The following EXOC2 variants were observed in gnomAD, a reference collection of about 807,000 sequenced individuals.
The protein encoded by EXOC2 is SEC5-like 1.
A neutral mutation model predicts 131.8 loss-of-function variants in EXOC2; 70 were observed. The observed-to-expected ratio is 0.53, with a 90% confidence interval of 0.44 to 0.65. The LOEUF (loss-of-function observed/expected upper bound fraction) is 0.65, where lower values mean the gene tolerates loss of function less well. Ranked by LOEUF, EXOC2 falls within the 30% of genes least tolerant of loss-of-function variation. The probability of loss-of-function intolerance (pLI) is 0.00; values close to 1 mark genes in which losing one functional copy is unlikely to be tolerated. For missense variants in EXOC2, 923 were observed against 1,108.6 expected (o/e 0.83, Z 2.38); for synonymous variants, 411 against 398.4 (o/e 1.03, Z -0.38).
At chr6:647,778 A>C (rs1239117396) in intron 1 of EXOC2, among the ~76,000 whole-genome samples, 1 of 151,178 alleles carries the variant, frequency 6.6e-6, no homozygotes, top group Admixed American at 6.6e-5. Context: ...ATCCATTTTG[A>C]GGTCATTTAC....
intron 1 of EXOC2, among the ~76,000 whole-genome samples, chr6:690,094 C>T (rs1222266879): frequency 6.6e-6 from 1 of 152,228 alleles, no homozygotes; most frequent in East Asian, 1.9e-4. Flanking sequence ...CAGTGGGTCA[C>T]ACCTATAGTC....
chr6:659,287 G>T (rs1467054876), intron 1 of EXOC2, among the ~76,000 whole-genome samples: 1 of 152,166 alleles, frequency 6.6e-6, no homozygotes, highest in African/African-American at 2.4e-5. Flanking sequence ...TGTCTTATTT[G>T]TAACTAATGA....
At chr6:527,786 T>C (rs1239830959) in intron 23 of EXOC2, among the ~76,000 whole-genome samples, 1 of 152,212 alleles carries the variant, frequency 6.6e-6, no homozygotes. Flanking sequence ...TATTTACCTA[T>C]AGAAAATGAT....
At chr6:598,208 G>T (rs1759928069) in intron 9 of EXOC2, 85 bp from the exon 10 acceptor site, 2 of 1,070,460 alleles carry the variant, frequency 1.9e-6, no homozygotes, top group Non-Finnish European at 2.7e-6. Flanking sequence ...AGTTGCTTTT[G>T]TGGGGTGAGG....
At chr6:584,933 C>G (rs1241301013) in intron 11 of EXOC2, among the ~76,000 whole-genome samples, 1 of 152,184 alleles carries the variant, frequency 6.6e-6, no homozygotes, top group Non-Finnish European at 1.5e-5. Context: ...CCTTTGAAGA[C>G]CACCTTTAAA....
chr6:544,970 A>AC (rs1269672736), intron 22 of EXOC2, among the ~76,000 whole-genome samples: 1 of 151,640 alleles, frequency 6.6e-6, no homozygotes. Flanking sequence ...ACAAGGTGAA[A>AC]CCCCGTCTCT....
chr6:494,862 A>G (rs1030288114), intron 25 of EXOC2, among the ~76,000 whole-genome samples: 11 of 152,106 alleles, frequency 7.2e-5, no homozygotes, highest in Non-Finnish European at 1.5e-4. Flanking sequence ...GTTTTTGATT[A>G]TGAATAAAAT....
chr6:633,311 T>C (rs1322702886), intron 2 of EXOC2, among the ~76,000 whole-genome samples, 194 bp from the exon 3 acceptor site: 2 of 152,232 alleles, frequency 1.3e-5, no homozygotes, highest in Non-Finnish European at 1.5e-5. Context: ...ATTTAAGACT[T>C]CTTTTAGGCT....
chr6:551,151 C>G (rs1757122026), intron 21 of EXOC2, among the ~76,000 whole-genome samples: 1 of 152,204 alleles, frequency 6.6e-6, no homozygotes, highest in South Asian at 2.1e-4. Context: ...CAACGCCGCC[C>G]ATCAAATGTA....
chr6:489,984 C>T (rs573227154), intron 26 of EXOC2, among the ~76,000 whole-genome samples: 22 of 152,194 alleles, frequency 1.4e-4, no homozygotes, highest in Non-Finnish European at 1.6e-4. Flanking sequence ...TTGGCGCACT[C>T]GGGTCCCTTC....
rs9502328 is a variant in EXOC2 at position 619,910 on chromosome 6, T to C, written c.423-367A>G. On this transcript the variant is annotated intron_variant, in intron 4 of 27. Transcript: ENST00000230449. ...CCATTCAATGTATAAAAATCAAAAT[T>C]TGAATACAGTGAAATTCTAAAATAT... Among the ~76,000 whole-genome samples, 805 of 152,328 alleles carry C rather than the reference T, an allele frequency of 5.3e-3. 5 individuals are homozygous for C. The highest frequency in any genetic ancestry group is 0.018 in the African/African-American group (769 of 41,576).
At chr6:589,853 T>C (rs1441897659) in intron 11 of EXOC2, among the ~76,000 whole-genome samples, 1 of 152,184 alleles carries the variant, frequency 6.6e-6, no homozygotes, top group African/African-American at 2.4e-5. Flanking sequence ...ACGCCTGTAA[T>C]CCCAGCACTT....
At chr6:601,063 T>C (rs187600749) in intron 7 of EXOC2, among the ~76,000 whole-genome samples, 4,105 of 151,172 alleles carry the variant, frequency 0.027, 105 homozygotes, top group South Asian at 0.12. Flanking sequence ...CAAAATGCAT[T>C]TTATGTCTTT....
chr6:574,963 G>A (rs1758497395), intron 12 of EXOC2, among the ~76,000 whole-genome samples: 1 of 152,254 alleles, frequency 6.6e-6, no homozygotes, highest in Admixed American at 6.5e-5. Flanking sequence ...AGGGTCCAAT[G>A]ACAAGGTGAA....
rs1760918882 is a variant in EXOC2 at position 615,176 on chromosome 6, G to GTGT, written c.661+2534_661+2535insACA. On this transcript the variant is annotated intron_variant, in intron 6 of 27. Transcript: ENST00000230449. Reference sequence around the variant, plus strand: ...AGTAGAGGTTTGAAAAGTATATGTGGGTGTGGGTGTGTGTGTGTGTGTGTG... The same window carrying GTGT: ...AGTAGAGGTTTGAAAAGTATATGTGGTGTGTGTGGGTGTGTGTGTGTGTGTGTG... Among the ~76,000 whole-genome samples the GTGT allele has an allele frequency of 2.9e-5, 3 of 103,854 alleles. No homozygotes were observed. The South Asian group carries it at 9.6e-4, about 33-fold the overall frequency. 68.1% of individuals were successfully genotyped at this position (103,854 alleles called of 152,430 possible).
intron 11 of EXOC2, among the ~76,000 whole-genome samples, chr6:582,910 C>T (rs949458415): frequency 6.6e-5 from 10 of 152,074 alleles, no homozygotes; most frequent in Admixed American, 6.5e-5. Flanking sequence ...GGCAGCATTT[C>T]GGACGTGCAT....
chr6:687,337 C>T (rs11752737), intron 1 of EXOC2, among the ~76,000 whole-genome samples: 14,493 of 151,762 alleles, frequency 0.095, 750 homozygotes, highest in Admixed American at 0.13. Context: ...TGTACCACCA[C>T]ACTCGGCTAA....
At chr6:490,039 A>AC (rs1763334368) in intron 26 of EXOC2, among the ~76,000 whole-genome samples, 1 of 152,158 alleles carries the variant, frequency 6.6e-6, no homozygotes. Flanking sequence ...CACTGCCGCT[A>AC]CCTCCACCAT....
rs545630390 is a variant in EXOC2, at chr6:511,398, C to CA, written c.2381-11699dup. Among the ~76,000 whole-genome samples the CA allele has an allele frequency of 7.0e-4, 103 of 146,892 alleles. 3 individuals carry two copies. Among genetic ancestry groups the CA allele is most frequent in the South Asian group, 3.2e-3 (15 of 4,660 alleles). On this transcript the variant is annotated intron_variant, in intron 23 of 27. Coordinates refer to ENST00000230449, the MANE Select transcript of EXOC2 (RefSeq NM_018303.6). ...TTTTGAGTCATAATAAAATGGAAGG[C>CA]AAAAAAAAAATATGAAAACCCAATT...
Sources: allele counts gnomAD v4.1 joint callset (sites outside exome capture counted in the v4.1 genomes callset), GRCh38; gene constraint gnomAD v4.1.1; transcripts MANE v1.5; gene names NCBI Gene and HGNC (gene_info 2026-07-23, HGNC 2026-07-21).